ATP6V0B: variants seen among roughly 807,000 people sequenced by gnomAD.
ATP6V0B encodes V-type proton ATPase 21 kDa proteolipid subunit c''.
In ATP6V0B, 4 loss-of-function variants were observed where a neutral mutation model predicts 26.2. The observed-to-expected ratio is 0.15, with a 90% CI of 0.08 to 0.35. The LOEUF is 0.35. ATP6V0B is among the 10% of genes least tolerant of loss of function. ATP6V0B has a pLI of 1.00. For missense variants in ATP6V0B, 175 were observed against 272.5 expected, an observed-to-expected ratio of 0.64 and a Z score of 2.52; for synonymous variants, 110 against 105.8, an observed-to-expected ratio of 1.04 and a Z score of -0.24.
intron 1 of ATP6V0B, 64 bp downstream of exon 1, chr1:43,975,171 C>T: frequency 7.2e-7 from 1 of 1,398,530 alleles, no homozygotes. Context: ...CGGAACTCGG[C>T]GGGGAAGTGG....
chr1:43,977,606 T>C, intron 7 of ATP6V0B: 1 of 1,420,296 alleles, frequency 7.0e-7, no homozygotes, highest in Non-Finnish European at 9.1e-7. Context: ...CTCGGAGCTA[T>C]GTGTATCTCC....
rs1359683472 is a variant in ATP6V0B, at chr1:43,976,430, G to A, written c.278+51G>A. ...TGTCAGAACCAGCTGTGTTGGCGCTGCCTGTGTGTTTGATCTGACATACTG... is the reference window on the plus strand; with the variant it reads ...TGTCAGAACCAGCTGTGTTGGCGCTACCTGTGTGTTTGATCTGACATACTG... On this transcript the variant is annotated intron_variant, in intron 4 of 7. Coordinates refer to ENST00000472174, the MANE Select transcript of ATP6V0B (RefSeq NM_004047.5). The surrounding 1 kb of genome is among the most constrained non-coding windows in gnomAD (Gnocchi z 4.6). The A allele has an allele frequency of 4.5e-6, 7 of 1,567,216 alleles. No individual in the cohort carries two copies. The highest frequency in any genetic ancestry group is 1.4e-5 in the African/African-American group (1 of 73,558).
At position 43,976,221 on chromosome 1, in the gene ATP6V0B, G is replaced by C; in HGVS notation, c.200+48G>C. The C allele has an allele frequency of 1.2e-6, 2 of 1,609,804 alleles. No homozygotes were observed. On this transcript the variant is annotated intron_variant, in intron 3 of 7. Transcript: ENST00000472174. The surrounding 1 kb of genome is among the most constrained non-coding windows in gnomAD (Gnocchi z 4.6). The stretch of plus-strand genomic sequence containing the variant: ...TGGGGGCAGGGGCTGAGTCATGGCA[G>C]GTGGTGTCACTGGGGTCTTAGGCAT...
rs2286241 is a variant in ATP6V0B, at chr1:43,975,097, G to C, written c.57G>C (p.Ala19=). The change falls in exon 1 of 8, where the codon GCG becomes GCC. Residue 19 remains alanine, a synonymous_variant. Transcript: ENST00000472174. ...TCTTCGTGGCCTTCTGGGCCTGCGCGCTGGCCGTGGGTGAGGCCGGGTCCT... is the reference window on the plus strand; with the variant it reads ...TCTTCGTGGCCTTCTGGGCCTGCGCCCTGGCCGTGGGTGAGGCCGGGTCCT... The part of the protein sequence containing the change: ...SGVFVAFWAC[A]LAVGVCYTIF... 79,237 of 1,407,126 alleles carry C rather than the reference G, an allele frequency of 0.056. 2,569 individuals are homozygous for C. Among genetic ancestry groups the C allele is most frequent in the East Asian group, 0.16 (5,472 of 33,652 alleles). 87.2% of individuals were successfully genotyped at this position (1,407,126 alleles called of 1,614,324 possible).
In ATP6V0B at chr1:43,978,154, A is replaced by G. The variant is rs2085546720; in HGVS notation, c.*147A>G. On this transcript the variant is annotated 3_prime_UTR_variant, in exon 8 of 8. Transcript: ENST00000472174. ...TCTTGCTGCGTGTTGATTTGGAGGC[A>G]CTGCAGTCCAGGCCGAGTCCTCAGT... 5.0e-6 allele frequency: 6 copies of G among 1,205,028 alleles called. No homozygotes were observed. The highest frequency in any genetic ancestry group is 7.3e-6 in the Non-Finnish European group (6 of 824,562). The allele number at this position is 1,205,028 out of a possible 1,614,324, so 74.6% of individuals were successfully genotyped here.
intron 7 of ATP6V0B, chr1:43,977,495 T>A: frequency 1.4e-6 from 2 of 1,431,464 alleles, no homozygotes; most frequent in South Asian, 1.6e-5. Flanking sequence ...TCTCTCATTT[T>A]ATCTGCCATG....
chr1:43,976,437 T>C lies in ATP6V0B; in HGVS notation c.278+58T>C. 6.4e-7 allele frequency: 1 copy of C among 1,558,194 alleles called. No homozygotes were observed. Among genetic ancestry groups the C allele is most frequent in the East Asian group, 2.3e-5 (1 of 44,390 alleles). ...ACCAGCTGTGTTGGCGCTGCCTGTG[T>C]GTTTGATCTGACATACTGTTTCTGA... is the stretch of plus-strand genomic sequence containing the variant. On this transcript the variant is annotated intron_variant, in intron 4 of 7. Coordinates refer to ENST00000472174, the MANE Select transcript of ATP6V0B (RefSeq NM_004047.5). This position sits in a 1 kb window ranked among gnomAD's most constrained non-coding sequence, Gnocchi z 4.6.
chr1:43,975,786 C>T lies in ATP6V0B; in HGVS notation c.68-14C>T, dbSNP rs745441631. 11 of 1,588,898 alleles carry T rather than the reference C, an allele frequency of 6.9e-6. No homozygotes were observed. Among genetic ancestry groups the T allele is most frequent in the Non-Finnish European group, 9.4e-6 (11 of 1,167,022 alleles). ...AGCAGCCCGTAACCCCCTTTTTCTC[C>T]CTCACTGCTGCAGGAGTCTGCTACA... On this transcript the variant is annotated splice_polypyrimidine_tract_variant and intron_variant, in intron 1 of 7. Coordinates refer to ENST00000472174, the MANE Select transcript of ATP6V0B (RefSeq NM_004047.5).
chr1:43,975,252 C>A, intron 1 of ATP6V0B, 145 bp downstream of exon 1: 1 of 1,047,216 alleles, frequency 9.5e-7, no homozygotes, highest in Non-Finnish European at 1.4e-6. Flanking sequence ...GCGAGGGCCT[C>A]TGACTCCGAC....
rs2085546871 is a variant in ATP6V0B, at chr1:43,978,162, C to T, written c.*155C>T. On this transcript the variant is annotated 3_prime_UTR_variant, in exon 8 of 8. Coordinates refer to ENST00000472174, the MANE Select transcript of ATP6V0B (RefSeq NM_004047.5). ...CGTGTTGATTTGGAGGCACTGCAGTCCAGGCCGAGTCCTCAGTGCGGGGAG... is the reference window on the plus strand; with the variant it reads ...CGTGTTGATTTGGAGGCACTGCAGTTCAGGCCGAGTCCTCAGTGCGGGGAG... 1 of 1,098,678 alleles carries T rather than the reference C, an allele frequency of 9.1e-7. No individual in the cohort carries two copies. Among genetic ancestry groups the T allele is most frequent in the African/African-American group, 1.6e-5 (1 of 64,456 alleles). The allele number at this position is 1,098,678 out of a possible 1,614,324, so 68.1% of individuals were successfully genotyped here. A position where few individuals can be genotyped will look rare whatever the true frequency, so the allele number is the denominator to read the frequency against.
Position 43,975,046 on chromosome 1 carries a change from G to T in ATP6V0B, c.6G>T (p.Thr2=). 5 of 1,271,022 alleles carry T rather than the reference G, an allele frequency of 3.9e-6. No individual in the cohort carries two copies. The highest frequency in any genetic ancestry group is 5.0e-6 in the Non-Finnish European group (5 of 1,003,720). The allele number at this position is 1,271,022 out of a possible 1,614,324, so 78.7% of individuals were successfully genotyped here. A position where few individuals can be genotyped will look rare whatever the true frequency, so the allele number is the denominator to read the frequency against. Residue 2 remains threonine (T), a synonymous_variant, in exon 1 of 8, where the codon ACG becomes ACT. Coordinates refer to ENST00000472174, the MANE Select transcript of ATP6V0B (RefSeq NM_004047.5). M[T]GLALLYSGVF... The stretch of plus-strand genomic sequence containing the variant: ...CCCCCGCCGCCGTCGCCGCCATGAC[G>T]GGGCTAGCACTGCTCTACTCCGGGG...
At chr1:43,975,156 C>T (rs1394971336) in intron 1 of ATP6V0B, 49 bp downstream of exon 1, 70 of 1,403,398 alleles carry the variant, frequency 5.0e-5, no homozygotes, top group Non-Finnish European at 6.0e-5. Flanking sequence ...CCGAGCTGGC[C>T]GGGTCGGAAC....
At position 43,976,147 on chromosome 1, in the gene ATP6V0B, C is replaced by T. The variant is rs767595857; in HGVS notation, c.174C>T (p.Ile58=). ...MWSNLGIGLA[I]SLSVVGAAWG... The stretch of plus-strand genomic sequence containing the variant: ...CCAACCTGGGCATTGGCCTAGCTAT[C>T]TCCCTGTCTGTGGTTGGGGCAGCCT... The change falls in exon 3 of 8, where the codon ATC becomes ATT. Residue 58 remains isoleucine, a synonymous_variant. Coordinates refer to ENST00000472174, the MANE Select transcript of ATP6V0B (RefSeq NM_004047.5). This position sits in a 1 kb window ranked among gnomAD's most constrained non-coding sequence, Gnocchi z 4.6. 1.9e-6 allele frequency: 3 copies of T among 1,614,082 alleles called. No individual in the cohort carries two copies. Among genetic ancestry groups the T allele is most frequent in the Non-Finnish European group, 1.7e-6 (2 of 1,179,998 alleles).
intron 7 of ATP6V0B, 180 bp from the exon 8 acceptor site, chr1:43,977,801 G>GT (rs1264760041): frequency 3.2e-6 from 5 of 1,548,104 alleles, no homozygotes; most frequent in Middle Eastern, 3.4e-4. Context: ...GTCCCACAGC[G>GT]TAACTCTGTG....
In ATP6V0B at chr1:43,977,040, G is replaced by T; in HGVS notation, c.415G>T (p.Gly139Trp). ...RNYHAGYSMF[G>W]AGLTVGLSNL... is the part of the protein sequence containing the mutation. ...TATCCTCCCAGGCTACTCCATGTTTGGGGCTGGCCTCACCGTAGGCCTGTC... is the reference window on the plus strand; with the variant it reads ...TATCCTCCCAGGCTACTCCATGTTTTGGGCTGGCCTCACCGTAGGCCTGTC... The change falls in exon 7 of 8, where the codon GGG becomes TGG. Residue 139 changes from glycine to tryptophan, a missense_variant. Gly to Trp is a radical substitution (Grantham distance 184). Around this residue, in one of 3 missense-constraint regions of ATP6V0B, gnomAD observed 97 missense variants for 158.0 expected, o/e 0.61. Transcript: ENST00000472174. The T allele has an allele frequency of 1.2e-6, 2 of 1,606,584 alleles. No homozygotes were observed. Among genetic ancestry groups the T allele is most frequent in the Non-Finnish European group, 1.7e-6 (2 of 1,174,532 alleles).
At position 43,976,930 on chromosome 1, in the gene ATP6V0B, T is replaced by A. The variant is rs2085526793; in HGVS notation, c.401-96T>A. 5 of 1,602,382 alleles carry A rather than the reference T, an allele frequency of 3.1e-6. No homozygotes were observed. The highest frequency in any genetic ancestry group is 4.3e-6 in the Non-Finnish European group (5 of 1,169,984). On this transcript the variant is annotated intron_variant, in intron 6 of 7. Coordinates refer to ENST00000472174, the MANE Select transcript of ATP6V0B (RefSeq NM_004047.5). The surrounding 1 kb of genome is among the most constrained non-coding windows in gnomAD (Gnocchi z 4.6). ...ATTTTGATATTCTCTCACCTACTTT[T>A]TCTGCTTTGCAGAGTGGGGATGGTG...
At chr1:43,975,942 C>A in intron 2 of ATP6V0B, 94 bp downstream of exon 2, 1 of 1,510,294 alleles carries the variant, frequency 6.6e-7, no homozygotes, top group Non-Finnish European at 9.1e-7. Context: ...ACACCACTGC[C>A]TGCCTGGGAC....
Position 43,974,990 on chromosome 1 carries a change from C to A in ATP6V0B, c.-51C>A, listed in dbSNP as rs994239152. On this transcript the variant is annotated 5_prime_UTR_variant, in exon 1 of 8. Coordinates refer to ENST00000472174, the MANE Select transcript of ATP6V0B (RefSeq NM_004047.5). Reference sequence around the variant, plus strand: ...GCGGGACGGACGGTGGACGCTGGGACGCGTTTGTAGCTCCGGCCCCGCCGT... The same window carrying A: ...GCGGGACGGACGGTGGACGCTGGGAAGCGTTTGTAGCTCCGGCCCCGCCGT... The A allele has an allele frequency of 8.1e-7, 1 of 1,232,498 alleles. No homozygotes were observed. Among genetic ancestry groups the A allele is most frequent in the South Asian group, 2.9e-5 (1 of 34,304 alleles). 76.3% of individuals were successfully genotyped at this position (1,232,498 alleles called of 1,614,324 possible). A position where few individuals can be genotyped will look rare whatever the true frequency, so the allele number is the denominator to read the frequency against.
At chr1:43,975,891 C>G (rs1357119153) in intron 2 of ATP6V0B, 43 bp downstream of exon 2, 3 of 1,553,204 alleles carry the variant, frequency 1.9e-6, no homozygotes, top group South Asian at 2.4e-5. Context: ...AGCTTCTTCC[C>G]TGCAGCCTCT....
Sources: allele counts gnomAD v4.1 joint callset, GRCh38; gene constraint gnomAD v4.1.1; regional missense constraint gnomAD v4.1.1; non-coding constraint Gnocchi (gnomAD v3.1); transcripts MANE v1.5; gene names NCBI Gene and HGNC (gene_info 2026-07-23, HGNC 2026-07-21).